WRNIP1: variants seen among roughly 807,000 people sequenced by gnomAD.
The protein encoded by WRNIP1 is WRN helicase interacting protein 1.
A neutral mutation model predicts 56.1 loss-of-function variants in WRNIP1; 41 were observed. That is an observed-to-expected ratio of 0.73 (90% CI 0.57 to 0.95). The LOEUF (loss-of-function observed/expected upper bound fraction) is 0.95, where lower values mean the gene tolerates loss of function less well. Ranked by LOEUF, WRNIP1 falls within the 40% of genes least tolerant of loss-of-function variation. The pLI is 0.00. For synonymous variants in WRNIP1, 547 were observed against 398.1 expected (o/e 1.37, Z -4.45); for missense variants, 1,170 against 939.4 (o/e 1.25, Z -3.21).
In WRNIP1 at chr6:2,766,440, G is replaced by A; in HGVS notation, c.818G>A (p.Gly273Asp). ...ATCCTGTGGGGGCCGCCGGGCTGCGGCAAGGTGAGTGCGGCCTTGGCCGTT... is the reference window on the plus strand; with the variant it reads ...ATCCTGTGGGGGCCGCCGGGCTGCGACAAGGTGAGTGCGGCCTTGGCCGTT... ...SLILWGPPGC[G>D]KTTLAHIIAS... The change falls in exon 1 of 7, where the codon GGC becomes GAC. Residue 273 changes from glycine (G) to aspartate (D), a missense_variant. Coordinates refer to ENST00000380773, the MANE Select transcript of WRNIP1 (RefSeq NM_020135.3). 1.3e-6 allele frequency: 2 copies of A among 1,556,046 alleles called. No individual in the cohort carries two copies. Among genetic ancestry groups the A allele is most frequent in the South Asian group, 1.2e-5 (1 of 84,542 alleles).
chr6:2,783,995 G>A (rs1765646641), intron 5 of WRNIP1, among the ~76,000 whole-genome samples: 1 of 152,124 alleles, frequency 6.6e-6, no homozygotes, highest in Admixed American at 6.5e-5. Context: ...TTTGGTCTTA[G>A]GGGATGTTTT....
chr6:2,783,673 G>C, intron 5 of WRNIP1, 112 bp downstream of exon 5: 6 of 404,228 alleles, frequency 1.5e-5, no homozygotes, highest in African/African-American at 2.2e-5. Context: ...GGTGGGCGGG[G>C]GTAGCAGGAA....
chr6:2,773,102 T>G (rs1053323740), intron 3 of WRNIP1: 2 of 985,354 alleles, frequency 2.0e-6, no homozygotes, highest in African/African-American at 3.5e-5. Flanking sequence ...CGTTCTTGAT[T>G]GCACTTGAGG....
chr6:2,779,580 G>C, intron 4 of WRNIP1, 88 bp downstream of exon 4: 1 of 1,389,228 alleles, frequency 7.2e-7, no homozygotes, highest in Non-Finnish European at 9.8e-7. Flanking sequence ...ACTGGGTTCC[G>C]GAAGCATTCC....
At chr6:2,773,999 G>A (rs1765375045) in intron 3 of WRNIP1, 3 of 985,210 alleles carry the variant, frequency 3.0e-6, no homozygotes, top group South Asian at 4.7e-5. Context: ...CCCCAAACAA[G>A]GTGGCTATGG....
At chr6:2,768,635 C>T in intron 1 of WRNIP1, 56 bp from the exon 2 acceptor site, 2 of 1,467,974 alleles carry the variant, frequency 1.4e-6, no homozygotes, top group South Asian at 2.8e-5. Context: ...CCCATGGGTG[C>T]TGGTCTCTCT....
rs1267168436 is a variant in WRNIP1 at position 2,785,918 on chromosome 6, G to A, written c.*636G>A. 6.5e-6 allele frequency: 1 copy of A among 153,020 alleles called. No individual in the cohort carries two copies. Among genetic ancestry groups the A allele is most frequent in the Non-Finnish European group, 1.5e-5 (1 of 68,458 alleles). 9.5% of individuals were successfully genotyped at this position (153,020 alleles called of 1,614,324 possible). On this transcript the variant is annotated 3_prime_UTR_variant, in exon 7 of 7. Coordinates refer to ENST00000380773, the MANE Select transcript of WRNIP1 (RefSeq NM_020135.3). ...GAAAGTTAACTCTGATCTCTTTAAA[G>A]GAATACATAAAGGAATTCTTTAAAT...
intron 4 of WRNIP1, 50 bp downstream of exon 4, chr6:2,779,542 TGCACA>T: frequency 6.4e-7 from 1 of 1,557,002 alleles, no homozygotes; most frequent in Non-Finnish European, 8.7e-7. Context: ...AAGAAGTGTG[TGCACA>T]CATTCTCATT....
rs1050825989 is a variant in WRNIP1 at position 2,786,086 on chromosome 6, A to G, written c.*804A>G. ...ACAAAATACGCCACTCCTTCTGCTC[A>G]GTTAAGAGTTATTTGTCCCTACTGC... On this transcript the variant is annotated 3_prime_UTR_variant, in exon 7 of 7. Transcript: ENST00000380773. 6.6e-6 allele frequency: 1 copy of G among 152,114 alleles called. No individual in the cohort carries two copies. The highest frequency in any genetic ancestry group is 1.5e-5 in the Non-Finnish European group (1 of 68,048). The allele number at this position is 152,114 out of a possible 1,614,324, so 9.4% of individuals were successfully genotyped here.
At chr6:2,774,809 A>C (rs1765395125) in intron 3 of WRNIP1, among the ~76,000 whole-genome samples, 1 of 152,028 alleles carries the variant, frequency 6.6e-6, no homozygotes, top group African/African-American at 2.4e-5. Flanking sequence ...CTTTGCTTTC[A>C]CTCTGATGTT....
intron 3 of WRNIP1, among the ~76,000 whole-genome samples, chr6:2,777,660 C>G (rs1286175762): frequency 6.6e-6 from 1 of 152,212 alleles, no homozygotes. Flanking sequence ...TGGTCCTTCC[C>G]CATACATTTT....
chr6:2,770,303 G>A lies in WRNIP1; in HGVS notation c.1198G>A (p.Val400Ile), dbSNP rs142050148. 1.4e-5 allele frequency: 23 copies of A among 1,614,022 alleles called. No individual in the cohort carries two copies. The Admixed American group carries it at 1.8e-4, about 13-fold the overall frequency. ...MRAINSLGIH[V>I]LDSSRPTDPL... ...AGCGATCAACTCCCTGGGAATCCAC[G>A]TCCTAGACTCTAGCCGTCCCACTGA... is the stretch of plus-strand genomic sequence containing the variant. The change falls in exon 3 of 7, where the codon GTC (valine) becomes ATC (isoleucine). Residue 400 changes from valine to isoleucine, a missense_variant. Physicochemically the swap from Val to Ile is conservative, Grantham distance 29. Coordinates refer to ENST00000380773, the MANE Select transcript of WRNIP1 (RefSeq NM_020135.3).
rs1316423461 is a variant in WRNIP1, at chr6:2,784,416, G to A, written c.1722+13G>A. 1.2e-6 allele frequency: 2 copies of A among 1,613,206 alleles called. No homozygotes were observed. Among genetic ancestry groups the A allele is most frequent in the South Asian group, 2.2e-5 (2 of 91,042 alleles). ...GCCTGAATGTGAGGTAAAGTAATCA[G>A]CTCATTTCTTGCAAATCACTTCTTT... On this transcript the variant is annotated intron_variant, in intron 6 of 6. Transcript: ENST00000380773.
Position 2,765,460 on chromosome 6 carries a change from C to G in WRNIP1, c.-163C>G. The stretch of plus-strand genomic sequence containing the variant: ...CGAGGGCGGGCGGACGCGGGAGCTG[C>G]GGACGTGAGGCATGAGCGGCGCCCT... On this transcript the variant is annotated 5_prime_UTR_variant, in exon 1 of 7. Transcript: ENST00000380773. 1 of 853,992 alleles carries G rather than the reference C, an allele frequency of 1.2e-6. No homozygotes were observed. Among genetic ancestry groups the G allele is most frequent in the Non-Finnish European group, 1.5e-6 (1 of 652,420 alleles). The allele number at this position is 853,992 out of a possible 1,614,324, so 52.9% of individuals were successfully genotyped here.
chr6:2,765,875 AC>A lies in WRNIP1; in HGVS notation c.257del (p.Pro86ArgfsTer196). ...GAGCTCGGCGCTGAAGCAGCCAGCC[AC>A]CCCGACGGCAGCCGAGAGCAGCGAG... ...SESSALKQPA[T>X]PTAAESSEGE... On this transcript the variant is annotated frameshift_variant, in exon 1 of 7. Transcript: ENST00000380773. LOFTEE classifies it high-confidence loss of function. 6.9e-7 allele frequency: 1 copy of A among 1,445,304 alleles called. No homozygotes were observed. The highest frequency in any genetic ancestry group is 9.1e-7 in the Non-Finnish European group (1 of 1,100,488). The allele number at this position is 1,445,304 out of a possible 1,614,324, so 89.5% of individuals were successfully genotyped here.
Position 2,770,382 on chromosome 6 carries a change from G to A in WRNIP1, c.1256+21G>A, listed in dbSNP as rs760530426. On this transcript the variant is annotated intron_variant, in intron 3 of 6. Transcript: ENST00000380773. ...TCAGAGTAAGTTGACAGTGTGCAGC[G>A]TCCTGGGGGCACACACCTCCCAGAG... is the stretch of plus-strand genomic sequence containing the variant. 12 of 1,613,326 alleles carry A rather than the reference G, an allele frequency of 7.4e-6. No individual in the cohort carries two copies. In the East Asian group the frequency reaches 1.1e-4, roughly 15 times the overall value.
rs2113434866 is a variant in WRNIP1 at position 2,765,566 on chromosome 6, C to T, written c.-57C>T. ...GCCTAGCGGAGGGCATCGAAGGCCT[C>T]CGCGTGCGCACGGGTTGCTGCGGCC... On this transcript the variant is annotated 5_prime_UTR_variant, in exon 1 of 7. Coordinates refer to ENST00000380773, the MANE Select transcript of WRNIP1 (RefSeq NM_020135.3). 4 of 1,400,716 alleles carry T rather than the reference C, an allele frequency of 2.9e-6. No homozygotes were observed. The highest frequency in any genetic ancestry group is 2.6e-4 in the Middle Eastern group (1 of 3,868). The allele number at this position is 1,400,716 out of a possible 1,614,324, so 86.8% of individuals were successfully genotyped here.
chr6:2,783,150 G>A (rs184660742), intron 4 of WRNIP1, among the ~76,000 whole-genome samples: 14 of 152,256 alleles, frequency 9.2e-5, no homozygotes, highest in Middle Eastern at 3.4e-3. Flanking sequence ...CTGCCTCTGT[G>A]CGTGTGCGTG....
At chr6:2,784,575 CCTT>C (rs761870815) in intron 6 of WRNIP1, among the ~76,000 whole-genome samples, 172 bp downstream of exon 6, 6 of 152,222 alleles carry the variant, frequency 3.9e-5, no homozygotes, top group Non-Finnish European at 7.3e-5. Context: ...GAGAGGGAAA[CCTT>C]CTGTGTCAAC....
Sources: gnomAD v4.1 joint callset for allele counts (sites outside exome capture counted in the v4.1 genomes callset) on GRCh38, gnomAD v4.1.1 for gene constraint, MANE v1.5 for transcripts, NCBI Gene and HGNC (gene_info 2026-07-23, HGNC 2026-07-21) for gene names.